SLC36A3: variants seen among roughly 807,000 people sequenced by gnomAD.
SLC36A3 encodes solute carrier family 36 member 3.
In SLC36A3, 35 loss-of-function variants were observed where a neutral mutation model predicts 44.3. The ratio of observed to expected loss-of-function variants is 0.79; its 90% CI spans 0.60 to 1.05. SLC36A3 has a LOEUF of 1.05. Among genes scored for constraint, SLC36A3 ranks in the 50% least tolerant of loss-of-function variants. The pLI is 0.00. For synonymous variants in SLC36A3, 211 were observed against 227.6 expected, an observed-to-expected ratio of 0.93 and a Z score of 0.66; for missense variants, 540 against 578.7, an observed-to-expected ratio of 0.93 and a Z score of 0.69.
At chr5:151,288,177 C>T (rs1754615932) in intron 5 of SLC36A3, among the ~76,000 whole-genome samples, 1 of 152,142 alleles carries the variant, frequency 6.6e-6, no homozygotes, top group African/African-American at 2.4e-5. Context: ...CTCTTTCTAC[C>T]CTGGCTAAAC....
At chr5:151,287,163 C>G in intron 6 of SLC36A3, 83 bp downstream of exon 6, 1 of 1,400,750 alleles carries the variant, frequency 7.1e-7, no homozygotes, top group Admixed American at 1.9e-5. Flanking sequence ...CTCAGCTTCA[C>G]CTGCCCATCA....
At chr5:151,299,246 C>CTATATA (rs1755072109) in intron 1 of SLC36A3, among the ~76,000 whole-genome samples, 5 of 93,502 alleles carry the variant, frequency 5.3e-5, no homozygotes, top group Non-Finnish European at 1.0e-4. Flanking sequence ...CTCTCTCTCT[C>CTATATA]TCTCTCTCTC....
At chr5:151,299,487 T>C (rs1755101104) in intron 1 of SLC36A3, among the ~76,000 whole-genome samples, 1 of 151,724 alleles carries the variant, frequency 6.6e-6, no homozygotes, top group Non-Finnish European at 1.5e-5. Flanking sequence ...AGAGTACTTA[T>C]GATGGTCCCA....
chr5:151,303,273 T>C lies in SLC36A3; in HGVS notation c.82A>G (p.Ser28Gly). Residue 28 changes from serine (S) to glycine (G), a missense_variant, in exon 1 of 10, where the codon AGC (serine) becomes GGC (glycine). By Grantham distance (56) the Ser-to-Gly change is moderately conservative (BLOSUM62 0). Coordinates refer to ENST00000335230, the MANE Select transcript of SLC36A3 (RefSeq NM_181774.4). Reference protein sequence around the residue: ...GPQSPSESSSSITSENVHPAG... With the variant: ...GPQSPSESSSGITSENVHPAG... ...GGATGGACATTCTCTGAAGTAATGC[T>C]ACTGCTGCTCTCTGAGGGTGACTGA... The C allele has an allele frequency of 6.2e-7, 1 of 1,614,164 alleles. No homozygotes were observed. The highest frequency in any genetic ancestry group is 1.1e-5 in the South Asian group (1 of 91,080).
intron 9 of SLC36A3, among the ~76,000 whole-genome samples, chr5:151,280,174 G>A (rs535247768): frequency 6.6e-6 from 1 of 152,308 alleles, no homozygotes; most frequent in Non-Finnish European, 1.5e-5. Context: ...AATGATCTCT[G>A]GCTGGGTGCA....
At chr5:151,282,506 T>G (rs1021343606) in intron 8 of SLC36A3, among the ~76,000 whole-genome samples, 3 of 152,186 alleles carry the variant, frequency 2.0e-5, no homozygotes, top group Admixed American at 2.0e-4. Context: ...TCCCTGCCAG[T>G]ACACATAGAT....
rs1310251183 is a variant in SLC36A3, at chr5:151,284,331, G to A, written c.808-121C>T. The A allele has an allele frequency of 8.1e-6, 8 of 989,062 alleles. No individual in the cohort carries two copies. In the East Asian group the frequency reaches 2.0e-4, roughly 24 times the overall value. The allele number at this position is 989,062 out of a possible 1,614,324, so 61.3% of individuals were successfully genotyped here. On this transcript the variant is annotated intron_variant, in intron 7 of 9. Transcript: ENST00000335230. Reference sequence around the variant, plus strand: ...CCAGGTGGGCCCAGTATCAGAAAGGGGACTCTCCACATGGCCACACTCCTT... The same window carrying A: ...CCAGGTGGGCCCAGTATCAGAAAGGAGACTCTCCACATGGCCACACTCCTT...
chr5:151,296,301 C>T (rs1053110045), intron 2 of SLC36A3, 33 bp from the exon 3 acceptor site: 5 of 1,552,312 alleles, frequency 3.2e-6, no homozygotes, highest in Non-Finnish European at 4.4e-6. Flanking sequence ...GGAAGTGAGC[C>T]AGAAATGATC....
At position 151,287,392 on chromosome 5, in the gene SLC36A3, C is replaced by A; in HGVS notation, c.562G>T (p.Asp188Tyr). Residue 188 changes from aspartate (D) to tyrosine (Y), a missense_variant, in exon 6 of 10, where the codon GAC becomes TAC. Physicochemically the swap from Asp to Tyr is radical, Grantham distance 160. Transcript: ENST00000335230. The stretch of plus-strand genomic sequence containing the variant: ...ATTATCAGCATGTAGAAACGAATGT[C>A]CAGGATGGGGGTCAGCGTCAGAATC... The part of the protein sequence containing the change: ...REILTLTPIL[D>Y]IRFYMLIILP... 6.2e-7 allele frequency: 1 copy of A among 1,614,094 alleles called. No individual in the cohort carries two copies. Among genetic ancestry groups the A allele is most frequent in the Non-Finnish European group, 8.5e-7 (1 of 1,180,004 alleles).
intron 4 of SLC36A3, among the ~76,000 whole-genome samples, chr5:151,292,180 A>G (rs1250721320): frequency 6.6e-6 from 1 of 152,172 alleles, no homozygotes; most frequent in Non-Finnish European, 1.5e-5. Context: ...GCAGTTTTTA[A>G]TCAAGCTCCT....
rs1754627554 is a variant in SLC36A3 at position 151,288,419 on chromosome 5, A to T, written c.456T>A (p.Val152=). The change falls in exon 5 of 10, where the codon GTT becomes GTA. Residue 152 remains valine, a synonymous_variant. Coordinates refer to ENST00000335230, the MANE Select transcript of SLC36A3 (RefSeq NM_181774.4). ...LVITQLGFCS[V]YFMFMADNLQ... Reference sequence around the variant, plus strand: ...AATTGTCTGCCATAAACATAAAATAAACACTGCAGAAGCCCAGCTGGGTGA... The same window carrying T: ...AATTGTCTGCCATAAACATAAAATATACACTGCAGAAGCCCAGCTGGGTGA... The T allele has an allele frequency of 6.2e-7, 1 of 1,602,584 alleles. No individual in the cohort carries two copies. The highest frequency in any genetic ancestry group is 1.7e-4 in the Middle Eastern group (1 of 6,032).
Position 151,303,279 on chromosome 5 carries a change from T to C in SLC36A3, c.76A>G (p.Ser26Gly). Reference sequence around the variant, plus strand: ...ACATTCTCTGAAGTAATGCTACTGCTGCTCTCTGAGGGTGACTGAGGTCCG... The same window carrying C: ...ACATTCTCTGAAGTAATGCTACTGCCGCTCTCTGAGGGTGACTGAGGTCCG... ...DNGPQSPSESSSSITSENVHP... is the reference protein window; with the variant it reads ...DNGPQSPSESGSSITSENVHP... Residue 26 changes from serine (S) to glycine (G), a missense_variant, in exon 1 of 10, where the codon AGC (serine) becomes GGC (glycine). Coordinates refer to ENST00000335230, the MANE Select transcript of SLC36A3 (RefSeq NM_181774.4). 3.1e-6 allele frequency: 5 copies of C among 1,614,170 alleles called. No individual in the cohort carries two copies. Among genetic ancestry groups the C allele is most frequent in the Non-Finnish European group, 4.2e-6 (5 of 1,180,006 alleles).
intron 3 of SLC36A3, 58 bp downstream of exon 3, chr5:151,296,122 A>G: frequency 1.3e-6 from 2 of 1,533,242 alleles, no homozygotes; most frequent in Non-Finnish European, 1.8e-6. Flanking sequence ...TCAAAAGAAG[A>G]GCAACACACC....
At chr5:151,295,036 A>G (rs762960238) in intron 3 of SLC36A3, among the ~76,000 whole-genome samples, 3 of 151,276 alleles carry the variant, frequency 2.0e-5, no homozygotes, top group African/African-American at 7.3e-5. Flanking sequence ...CAACCTCTAT[A>G]TTAGAAAAAA....
chr5:151,296,552 A>G (rs1257540059), intron 2 of SLC36A3: 3 of 468,230 alleles, frequency 6.4e-6, no homozygotes, highest in Middle Eastern at 5.8e-4. Context: ...GAGTTCTACC[A>G]GTTTAGAGTC....
At chr5:151,300,989 T>C (rs1180320480) in intron 1 of SLC36A3, among the ~76,000 whole-genome samples, 1 of 152,274 alleles carries the variant, frequency 6.6e-6, no homozygotes, top group Non-Finnish European at 1.5e-5. Flanking sequence ...TGTATCATAT[T>C]CTACTGTATG....
Position 151,298,593 on chromosome 5 carries a change from C to A in SLC36A3, c.219G>T (p.Leu73Phe). ...TTCCCATCCCACAGATGCCTCTTAC[C>A]AACAAGCCGGCATTCTTTATGGCCA... ...LPLAIKNAGL[L>F]VGPVSLLAIG... is the part of the protein sequence containing the mutation. The change falls in exon 2 of 10, where the codon TTG (leucine) becomes TTT (phenylalanine). Residue 73 changes from leucine (L) to phenylalanine (F), a missense_variant and splice_region_variant. Physicochemically the swap from Leu to Phe is conservative, Grantham distance 22. Coordinates refer to ENST00000335230, the MANE Select transcript of SLC36A3 (RefSeq NM_181774.4). The A allele has an allele frequency of 6.2e-7, 1 of 1,614,134 alleles. No homozygotes were observed. Among genetic ancestry groups the A allele is most frequent in the South Asian group, 1.1e-5 (1 of 91,074 alleles).
chr5:151,291,497 G>T (rs953119673), intron 4 of SLC36A3, among the ~76,000 whole-genome samples: 1 of 152,024 alleles, frequency 6.6e-6, no homozygotes, highest in African/African-American at 2.4e-5. Flanking sequence ...CAGATCATTT[G>T]TCCTGTAGTA....
chr5:151,287,282 A>G lies in SLC36A3; in HGVS notation c.672T>C (p.Leu224=), dbSNP rs6579846. The change falls in exon 6 of 10, where the codon CTT becomes CTC. Residue 224 remains leucine (L), a synonymous_variant. Transcript: ENST00000335230. ...ACTCAAAGATCAGAGCCATGCTCCC[A>G]AGGGTGGTGATGTTGGCCAATGTCG... ...VFSTLANITT[L]GSMALIFEYI... is the part of the protein sequence containing the mutation. 86,092 of 1,613,884 alleles carry G rather than the reference A, an allele frequency of 0.053. 4,193 individuals carry two copies. Among genetic ancestry groups the G allele is most frequent in the African/African-American group, 0.27 (19,942 of 74,890 alleles).
Sources: gnomAD v4.1 joint callset for allele counts (sites outside exome capture counted in the v4.1 genomes callset) on GRCh38, gnomAD v4.1.1 for gene constraint, MANE v1.5 for transcripts, NCBI Gene and HGNC (gene_info 2026-07-23, HGNC 2026-07-21) for gene names.